Variants in CFAP299 observed in about 807,000 individuals in gnomAD.
CFAP299 encodes cilia and flagella associated protein 299.
CFAP299 carries 21 observed loss-of-function variants against 27.0 expected under a neutral mutation model. The observed-to-expected ratio is 0.78, with a 90% CI of 0.55 to 1.12. CFAP299 has a LOEUF of 1.12. Among genes scored for constraint, CFAP299 ranks in the 50% most tolerant of loss-of-function variants. The pLI is 0.00. For missense variants in CFAP299, 310 were observed against 276.6 expected (o/e 1.12, Z -0.86); for synonymous variants, 104 against 98.1 (o/e 1.06, Z -0.36).
intron 2 of CFAP299, among the ~76,000 whole-genome samples, chr4:80,374,056 C>G (rs1339515899): frequency 6.6e-6 from 1 of 152,198 alleles, no homozygotes; most frequent in Non-Finnish European, 1.5e-5. Context: ...CTTTGAACTG[C>G]ACTCAGTGTA....
chr4:80,799,707 ATTTTATATATTATATT>A (rs1728213065), intron 3 of CFAP299, among the ~76,000 whole-genome samples: 1 of 53,668 alleles, frequency 1.9e-5, no homozygotes. Flanking sequence ...TAAAATATAT[ATTTTATATATTATATT>A]TTATAAATAT....
chr4:80,739,482 G>A (rs564670977), intron 3 of CFAP299, among the ~76,000 whole-genome samples: 33 of 151,808 alleles, frequency 2.2e-4, no homozygotes, highest in South Asian at 8.3e-4. Context: ...TGTTTGTTTC[G>A]TTCATCATTT....
chr4:80,563,589 C>A (rs994859301), intron 2 of CFAP299, among the ~76,000 whole-genome samples: 15 of 150,920 alleles, frequency 9.9e-5, no homozygotes, highest in Middle Eastern at 3.2e-3. Flanking sequence ...GCCTACATAA[C>A]AAAAGAGGGA....
chr4:80,686,130 GA>G (rs77144393), intron 3 of CFAP299, among the ~76,000 whole-genome samples: 15,328 of 147,702 alleles, frequency 0.1, 1,474 homozygotes, highest in African/African-American at 0.25. Context: ...GAACTTTAAT[GA>G]AAAAAAAAAA....
At position 80,581,146 on chromosome 4, in the gene CFAP299, A is replaced by G. The variant is rs759054052; in HGVS notation, c.243-1947A>G. Among the ~76,000 whole-genome samples, 91 of 151,760 alleles carry G rather than the reference A, an allele frequency of 6.0e-4. 1 individual carries two copies. Among genetic ancestry groups the G allele is most frequent in the Non-Finnish European group, 2.5e-4 (17 of 67,852 alleles). On this transcript the variant is annotated intron_variant, in intron 2 of 5. Transcript: ENST00000358105. ...AATTTCCAACAGACTGTGGTTTTTA[A>G]AACAGACCATAAGCAGGAAATTAGG...
At chr4:80,918,917 GTTAAGTGGCA>G (rs1409975061) in intron 4 of CFAP299, among the ~76,000 whole-genome samples, 1 of 152,118 alleles carries the variant, frequency 6.6e-6, no homozygotes, top group Non-Finnish European at 1.5e-5. Flanking sequence ...CTCTGAGGAT[GTTAAGTGGCA>G]TTGAAAGATC....
chr4:80,837,885 CA>C (rs1485549963), intron 3 of CFAP299, among the ~76,000 whole-genome samples: 1 of 152,164 alleles, frequency 6.6e-6, no homozygotes, highest in Non-Finnish European at 1.5e-5. Context: ...ACACTCCCAC[CA>C]ACAGTGTAAA....
chr4:80,551,530 A>G (rs1258364795), intron 2 of CFAP299, among the ~76,000 whole-genome samples: 3 of 152,190 alleles, frequency 2.0e-5, no homozygotes, highest in Non-Finnish European at 4.4e-5. Context: ...TCTAATTCAT[A>G]TACTATATTC....
At chr4:80,764,455 C>T (rs4970892) in intron 3 of CFAP299, among the ~76,000 whole-genome samples, 8 of 151,984 alleles carry the variant, frequency 5.3e-5, no homozygotes, top group African/African-American at 1.2e-4. Flanking sequence ...TAGAAGCTGG[C>T]GAGGATGGAG....
chr4:80,342,679 T>C (rs1057295507), intron 1 of CFAP299, among the ~76,000 whole-genome samples: 2 of 151,942 alleles, frequency 1.3e-5, no homozygotes, highest in African/African-American at 4.8e-5. Flanking sequence ...GCACTAAATA[T>C]GGAAAGGAAA....
intron 3 of CFAP299, among the ~76,000 whole-genome samples, chr4:80,805,418 C>CTA (rs1728812846): frequency 1.3e-5 from 2 of 152,062 alleles, no homozygotes; most frequent in African/African-American, 2.4e-5. Flanking sequence ...AAAGCAGGAA[C>CTA]TATATCACTT....
chr4:80,814,031 C>T (rs569172048), intron 3 of CFAP299, among the ~76,000 whole-genome samples: 1 of 152,058 alleles, frequency 6.6e-6, no homozygotes, highest in South Asian at 2.1e-4. Context: ...ATCTTCCAAC[C>T]TGCTATGATT....
At chr4:80,931,245 G>A (rs1736602171) in intron 4 of CFAP299, among the ~76,000 whole-genome samples, 2 of 152,020 alleles carry the variant, frequency 1.3e-5, no homozygotes, top group Admixed American at 1.3e-4. Context: ...CCTAAGCTGT[G>A]TGACCTCTAA....
chr4:80,698,563 T>C lies in CFAP299; in HGVS notation c.333+115380T>C, dbSNP rs138821318. Reference sequence around the variant, plus strand: ...GTTGATGATTGTTGCCTTCAAAGACTTCACAATATATCCTGCAAAATATTT... The same window carrying C: ...GTTGATGATTGTTGCCTTCAAAGACCTCACAATATATCCTGCAAAATATTT... On this transcript the variant is annotated intron_variant, in intron 3 of 5. Transcript: ENST00000358105. Among the ~76,000 whole-genome samples, 45 of 152,340 alleles carry C rather than the reference T, an allele frequency of 3.0e-4. No homozygotes were observed. In the East Asian group the frequency reaches 7.5e-3, roughly 25 times the overall value.
At chr4:80,547,144 C>T (rs1180371505) in intron 2 of CFAP299, among the ~76,000 whole-genome samples, 13 of 152,036 alleles carry the variant, frequency 8.6e-5, no homozygotes, top group Admixed American at 7.9e-4. Flanking sequence ...ACAAGGCTAA[C>T]AACCAAAATA....
At chr4:80,373,842 C>T (rs1225216120) in intron 2 of CFAP299, among the ~76,000 whole-genome samples, 1 of 152,114 alleles carries the variant, frequency 6.6e-6, no homozygotes, top group East Asian at 1.9e-4. Flanking sequence ...ATTGGAGAGC[C>T]ATCACTGAAC....
intron 3 of CFAP299, among the ~76,000 whole-genome samples, chr4:80,708,308 C>A (rs1448757852): frequency 1.3e-5 from 2 of 151,944 alleles, no homozygotes; most frequent in African/African-American, 4.8e-5. Context: ...TCTTTGCAGA[C>A]CACCTAGATA....
intron 2 of CFAP299, among the ~76,000 whole-genome samples, chr4:80,572,666 C>T (rs945454680): frequency 2.0e-5 from 3 of 151,438 alleles, no homozygotes; most frequent in Non-Finnish European, 4.4e-5. Flanking sequence ...TACAGACATG[C>T]GTCACCACGC....
chr4:80,776,564 C>G (rs1444974490), intron 3 of CFAP299, among the ~76,000 whole-genome samples: 1 of 151,918 alleles, frequency 6.6e-6, no homozygotes, highest in African/African-American at 2.4e-5. Context: ...GGGAGGGGAA[C>G]ATCACACACC....
Sources: gnomAD v4.1 joint callset for allele counts (sites outside exome capture counted in the v4.1 genomes callset) on GRCh38, gnomAD v4.1.1 for gene constraint, MANE v1.5 for transcripts, NCBI Gene and HGNC (gene_info 2026-07-23, HGNC 2026-07-21) for gene names.